The following CAMTA1 variants were observed in gnomAD, a reference collection of about 807,000 sequenced individuals.
The protein encoded by CAMTA1 is calmodulin-binding transcription activator 1.
CAMTA1 carries 27 observed loss-of-function variants against 170.9 expected under a neutral mutation model. That is an observed-to-expected ratio of 0.16 (90% confidence interval 0.12 to 0.22). The LOEUF is 0.22. Among genes scored for constraint, CAMTA1 ranks in the 10% least tolerant of loss-of-function variants. CAMTA1 has a pLI of 1.00. For synonymous variants in CAMTA1, 833 were observed against 891.5 expected, an observed-to-expected ratio of 0.93 and a Z score of 1.17; for missense variants, 1,619 against 2,217.2, an observed-to-expected ratio of 0.73 and a Z score of 5.42.
rs185022882 is a variant in CAMTA1 at position 7,243,087 on chromosome 1, T to G, written c.303-6404T>G. 2.3e-3 allele frequency among the ~76,000 whole-genome samples: 343 copies of G among 152,370 alleles called. 4 individuals are homozygous for G. Among genetic ancestry groups the G allele is most frequent in the African/African-American group, 8.1e-3 (336 of 41,594 alleles). On this transcript the variant is annotated intron_variant, in intron 4 of 22. Coordinates refer to ENST00000303635, the MANE Select transcript of CAMTA1 (RefSeq NM_015215.4). ...GGAATTATTTCTGAAATTTCTATTC[T>G]GTTCCATTGGCTTGTCTCTGCATGT... is the stretch of plus-strand genomic sequence containing the variant.
At chr1:7,032,517 C>A (rs765812126) in intron 3 of CAMTA1, among the ~76,000 whole-genome samples, 1 of 151,934 alleles carries the variant, frequency 6.6e-6, no homozygotes, top group African/African-American at 2.4e-5. Flanking sequence ...TCTTCTCATA[C>A]CTTTTACTTA....
At chr1:7,406,904 A>C (rs1393144475) in intron 5 of CAMTA1, among the ~76,000 whole-genome samples, 1 of 151,514 alleles carries the variant, frequency 6.6e-6, no homozygotes, top group Non-Finnish European at 1.5e-5. Flanking sequence ...TGCATAAACC[A>C]CTCCTAAGAC....
At chr1:7,154,940 C>G (rs540613621) in intron 4 of CAMTA1, among the ~76,000 whole-genome samples, 1 of 152,202 alleles carries the variant, frequency 6.6e-6, no homozygotes, top group Non-Finnish European at 1.5e-5. Context: ...CAGCATGGAG[C>G]CTGCAGCCTC....
rs1472412484 is a variant in CAMTA1 at position 6,968,397 on chromosome 1, G to A, written c.235-122907G>A. Reference sequence around the variant, plus strand: ...TCATAGCCCCCACGGTGGAGATACCGCCAGAGTTCTCCTCCCCGCTCCCTG... The same window carrying A: ...TCATAGCCCCCACGGTGGAGATACCACCAGAGTTCTCCTCCCCGCTCCCTG... On this transcript the variant is annotated intron_variant, in intron 3 of 22. Transcript: ENST00000303635. 5.3e-5 allele frequency among the ~76,000 whole-genome samples: 8 copies of A among 152,138 alleles called. No homozygotes were observed. The East Asian group carries it at 9.6e-4, about 18-fold the overall frequency.
intron 3 of CAMTA1, among the ~76,000 whole-genome samples, chr1:6,901,476 T>C (rs887144376): frequency 6.6e-6 from 1 of 152,170 alleles, no homozygotes; most frequent in Non-Finnish European, 1.5e-5. Flanking sequence ...TTGTAAAACA[T>C]ACGTCTAATA....
chr1:7,553,137 G>A (rs2094826336), intron 6 of CAMTA1, among the ~76,000 whole-genome samples: 3 of 152,254 alleles, frequency 2.0e-5, no homozygotes. Flanking sequence ...GTAAATGAAT[G>A]AGTGAATGAA....
chr1:7,580,865 C>T lies in CAMTA1; in HGVS notation c.511-59535C>T, dbSNP rs755810949. ...GGGTTCAGAGTCATATGGTGTGAAA[C>T]ACCCTGTCCTGACTGTGTGACCTCG... On this transcript the variant is annotated intron_variant, in intron 6 of 22. Transcript: ENST00000303635. The surrounding 1 kb of genome is among the most constrained non-coding windows in gnomAD (Gnocchi z 4.3). 6.6e-6 allele frequency among the ~76,000 whole-genome samples: 1 copy of T among 152,256 alleles called. No homozygotes were observed. The highest frequency in any genetic ancestry group is 6.5e-5 in the Admixed American group (1 of 15,290).
At chr1:7,012,299 G>A (rs1043936226) in intron 3 of CAMTA1, among the ~76,000 whole-genome samples, 2 of 152,094 alleles carry the variant, frequency 1.3e-5, no homozygotes, top group African/African-American at 4.8e-5. Context: ...ACCTTGCCAG[G>A]TAGAGATAAT....
Position 7,064,131 on chromosome 1 carries a change from T to TCCTCCTCCTCCTTCTCTTCTTCC in CAMTA1, c.235-27171_235-27149dup, listed in dbSNP as rs1708649537. Among the ~76,000 whole-genome samples, 1 of 151,144 alleles carries TCCTCCTCCTCCTTCTCTTCTTCC rather than the reference T, an allele frequency of 6.6e-6. No homozygotes were observed. Among genetic ancestry groups the TCCTCCTCCTCCTTCTCTTCTTCC allele is most frequent in the Non-Finnish European group, 1.5e-5 (1 of 67,744 alleles). ...CCTTCCCTCCTCCTCCTTCTTCTTC[T>TCCTCCTCCTCCTTCTCTTCTTCC]CCTCCTCCTCCTTCTCTTCTTCCCT... On this transcript the variant is annotated intron_variant, in intron 3 of 22. Transcript: ENST00000303635. The surrounding 1 kb of genome is among the most constrained non-coding windows in gnomAD (Gnocchi z 5.4).
intron 22 of CAMTA1, among the ~76,000 whole-genome samples, chr1:7,766,253 A>T (rs919986488): frequency 6.6e-6 from 1 of 151,394 alleles, no homozygotes; most frequent in South Asian, 2.1e-4. Context: ...CTTTAGAATG[A>T]TTTTTTTTTC....
At chr1:6,786,267 G>A (rs1639315666) in intron 1 of CAMTA1, among the ~76,000 whole-genome samples, 1 of 151,866 alleles carries the variant, frequency 6.6e-6, no homozygotes, top group Admixed American at 6.5e-5. Context: ...TTCCCGGGAA[G>A]GGAAGGGGGC....
At chr1:7,340,317 A>C (rs2149804790) in intron 5 of CAMTA1, among the ~76,000 whole-genome samples, 1 of 152,170 alleles carries the variant, frequency 6.6e-6, no homozygotes, top group Non-Finnish European at 1.5e-5. Flanking sequence ...AGGGAGGCTT[A>C]ATTCTTCCTG....
At chr1:7,339,642 A>T (rs1015219309) in intron 5 of CAMTA1, among the ~76,000 whole-genome samples, 1 of 151,964 alleles carries the variant, frequency 6.6e-6, no homozygotes, top group Non-Finnish European at 1.5e-5. Flanking sequence ...TTGCTGTGTC[A>T]CCCAGGCTGG....
chr1:7,203,838 T>G (rs1434074009), intron 4 of CAMTA1, among the ~76,000 whole-genome samples: 3 of 151,024 alleles, frequency 2.0e-5, no homozygotes, highest in Non-Finnish European at 4.4e-5. Flanking sequence ...TTTCTTTCTT[T>G]TTTTTTTTTT....
intron 9 of CAMTA1, among the ~76,000 whole-genome samples, chr1:7,667,609 G>C (rs2096012837): frequency 6.6e-6 from 1 of 152,120 alleles, no homozygotes; most frequent in Non-Finnish European, 1.5e-5. Flanking sequence ...CCCTGGGCTG[G>C]GTGCAGACCC....
intron 3 of CAMTA1, among the ~76,000 whole-genome samples, chr1:7,004,559 G>GAA (rs1214311214): frequency 6.6e-6 from 1 of 152,004 alleles, no homozygotes; most frequent in East Asian, 1.9e-4. Flanking sequence ...GTGAAATAAA[G>GAA]CATATATACA....
intron 3 of CAMTA1, among the ~76,000 whole-genome samples, chr1:6,878,907 T>TACAA (rs1670683882): frequency 6.6e-6 from 1 of 152,250 alleles, no homozygotes; most frequent in Admixed American, 6.5e-5. Context: ...TACTAGTTGA[T>TACAA]ACAAGTATGT....
Position 7,600,939 on chromosome 1 carries a change from C to G in CAMTA1, c.511-39461C>G, listed in dbSNP as rs575699603. Among the ~76,000 whole-genome samples the G allele has an allele frequency of 2.1e-3, 325 of 151,856 alleles. 3 individuals carry two copies. Among genetic ancestry groups the G allele is most frequent in the Non-Finnish European group, 3.5e-3 (239 of 67,922 alleles). On this transcript the variant is annotated intron_variant, in intron 6 of 22. Coordinates refer to ENST00000303635, the MANE Select transcript of CAMTA1 (RefSeq NM_015215.4). Reference sequence around the variant, plus strand: ...CTCAGTCTTTTCCCCACCTTTCCCCCCTTTCTATTCCACAAAACCACCATT... The same window carrying G: ...CTCAGTCTTTTCCCCACCTTTCCCCGCTTTCTATTCCACAAAACCACCATT...
intron 4 of CAMTA1, among the ~76,000 whole-genome samples, chr1:7,217,307 C>A (rs1015588793): frequency 6.6e-6 from 1 of 152,172 alleles, no homozygotes; most frequent in Non-Finnish European, 1.5e-5. Context: ...TTCCTGAGGC[C>A]TCTCCAACCA....
Sources: allele counts gnomAD v4.1 joint callset (sites outside exome capture counted in the v4.1 genomes callset), GRCh38; gene constraint gnomAD v4.1.1; non-coding constraint Gnocchi (gnomAD v3.1); transcripts MANE v1.5; gene names NCBI Gene and HGNC (gene_info 2026-07-23, HGNC 2026-07-21).